The following SLC1A3 variants were observed in gnomAD, a reference collection of about 807,000 sequenced individuals.
SLC1A3 encodes solute carrier family 1 member 3, also known as excitatory amino acid transporter 1.
In SLC1A3, 21 loss-of-function variants were observed where a neutral mutation model predicts 48.1. The observed-to-expected ratio is 0.44, with a 90% CI of 0.31 to 0.63. SLC1A3 has a LOEUF of 0.63. SLC1A3 is among the 20% of genes least tolerant of loss of function. The probability of loss-of-function intolerance (pLI) is 0.08; values close to 1 mark genes in which losing one functional copy is unlikely to be tolerated. For synonymous variants in SLC1A3, 239 were observed against 251.4 expected (o/e 0.95, Z 0.47); for missense variants, 546 against 689.0 (o/e 0.79, Z 2.32).
At chr5:36,643,971 C>T (rs1740730313) in intron 3 of SLC1A3, among the ~76,000 whole-genome samples, 1 of 151,524 alleles carries the variant, frequency 6.6e-6, no homozygotes, top group Non-Finnish European at 1.5e-5. Flanking sequence ...TCTGTTAAGC[C>T]ATTGCACTCC....
chr5:36,601,468 C>G (rs1166096072), upstream of SLC1A3, among the ~76,000 whole-genome samples: 2 of 152,210 alleles, frequency 1.3e-5, no homozygotes, highest in Non-Finnish European at 1.5e-5. Context: ...TTACGGATGA[C>G]ATTCAGAACT....
At chr5:36,680,150 C>T (rs548702041) in intron 7 of SLC1A3, among the ~76,000 whole-genome samples, 10 of 152,164 alleles carry the variant, frequency 6.6e-5, no homozygotes, top group South Asian at 2.1e-4. Context: ...CACAGGCTGT[C>T]GTGATGAGGG....
intron 3 of SLC1A3, among the ~76,000 whole-genome samples, chr5:36,649,038 C>T (rs1207552497): frequency 6.6e-6 from 1 of 152,104 alleles, no homozygotes; most frequent in Non-Finnish European, 1.5e-5. Context: ...CTGATTGACT[C>T]ATTGGTAAAA....
chr5:36,655,213 T>A (rs369683376), intron 3 of SLC1A3, among the ~76,000 whole-genome samples: 3 of 152,290 alleles, frequency 2.0e-5, no homozygotes, highest in Admixed American at 6.5e-5. Context: ...TTTAATATTA[T>A]AAACACCAAC....
intron 6 of SLC1A3, 31 bp downstream of exon 6, chr5:36,677,215 A>G (rs1352562750): frequency 1.9e-6 from 3 of 1,583,460 alleles, no homozygotes; most frequent in Non-Finnish European, 1.7e-6. Flanking sequence ...TATATGTTAT[A>G]TACGAGATGG....
intron 5 of SLC1A3, among the ~76,000 whole-genome samples, chr5:36,675,319 T>C (rs1037407725): frequency 6.6e-6 from 1 of 151,942 alleles, no homozygotes; most frequent in Admixed American, 6.6e-5. Context: ...TAACTATAAA[T>C]AATAAGCGCC....
upstream of SLC1A3, among the ~76,000 whole-genome samples, chr5:36,601,912 G>A (rs995423039): frequency 1.3e-5 from 2 of 152,092 alleles, no homozygotes; most frequent in African/African-American, 2.4e-5. Flanking sequence ...TATTGGTGCA[G>A]CAACTCTTTT....
chr5:36,620,318 C>T (rs1739611568), intron 2 of SLC1A3, among the ~76,000 whole-genome samples: 1 of 152,226 alleles, frequency 6.6e-6, no homozygotes, highest in Non-Finnish European at 1.5e-5. Context: ...TCAAAAAAAC[C>T]TACCTTAGGA....
At chr5:36,684,569 C>G (rs1245065950) in intron 9 of SLC1A3, among the ~76,000 whole-genome samples, 1 of 152,142 alleles carries the variant, frequency 6.6e-6, no homozygotes, top group Admixed American at 6.5e-5. Flanking sequence ...CATCCCTTCG[C>G]CCCCTTCCCT....
At position 36,680,551 on chromosome 5, in the gene SLC1A3, C is replaced by G. The variant is rs1343082422; in HGVS notation, c.1251C>G (p.Asn417Lys). Residue 417 changes from asparagine to lysine, a missense_variant, in exon 8 of 10, where the codon AAC (asparagine) becomes AAG (lysine). This residue lies in a region of SLC1A3 where 142 missense variants were observed against 238.0 expected (regional missense o/e 0.60). Transcript: ENST00000265113. ...ALAAIFIAQVNNFELNFGQII... is the reference protein window; with the variant it reads ...ALAAIFIAQVKNFELNFGQII... ...CTGCCATTTTCATTGCTCAAGTTAA[C>G]AACTTTGAACTGAACTTCGGACAAA... 6.2e-7 allele frequency: 1 copy of G among 1,614,168 alleles called. No homozygotes were observed. Among genetic ancestry groups the G allele is most frequent in the Non-Finnish European group, 8.5e-7 (1 of 1,179,990 alleles).
chr5:36,654,190 C>T (rs1220129240), intron 3 of SLC1A3, among the ~76,000 whole-genome samples: 1 of 152,178 alleles, frequency 6.6e-6, no homozygotes, highest in Non-Finnish European at 1.5e-5. Flanking sequence ...TCAAAATCCA[C>T]ATCTGAGGGG....
At chr5:36,605,670 C>A (rs1236343815), upstream of SLC1A3, among the ~76,000 whole-genome samples, 1 of 152,142 alleles carries the variant, frequency 6.6e-6, no homozygotes, top group Non-Finnish European at 1.5e-5. Flanking sequence ...CATTTTCTTC[C>A]TTCTAAAGAA....
In SLC1A3 at chr5:36,686,221, A is replaced by G; in HGVS notation, c.1581A>G (p.Ala527=). The G allele has an allele frequency of 6.2e-7, 1 of 1,614,202 alleles. No homozygotes were observed. Reference sequence around the variant, plus strand: ...TGAAGAAACCATATCAACTGATTGCACAGGACAATGAAACTGAGAAACCCA... The same window carrying G: ...TGAAGAAACCATATCAACTGATTGCGCAGGACAATGAAACTGAGAAACCCA... ...NEMKKPYQLI[A]QDNETEKPID... Residue 527 remains alanine, a synonymous_variant, in exon 10 of 10, where the codon GCA becomes GCG. Coordinates refer to ENST00000265113, the MANE Select transcript of SLC1A3 (RefSeq NM_004172.5).
At chr5:36,642,428 G>A (rs1740652508) in intron 3 of SLC1A3, among the ~76,000 whole-genome samples, 1 of 152,066 alleles carries the variant, frequency 6.6e-6, no homozygotes, top group African/African-American at 2.4e-5. Flanking sequence ...ATCCTTAGAA[G>A]GTAGAAACTT....
intron 2 of SLC1A3, among the ~76,000 whole-genome samples, chr5:36,627,515 T>C (rs1480909983): frequency 1.3e-5 from 2 of 150,618 alleles, no homozygotes; most frequent in Non-Finnish European, 1.5e-5. Flanking sequence ...AAATCCCAGA[T>C]GTAAAATAGC....
At chr5:36,618,516 A>C (rs1739537254) in intron 2 of SLC1A3, among the ~76,000 whole-genome samples, 1 of 152,190 alleles carries the variant, frequency 6.6e-6, no homozygotes, top group Non-Finnish European at 1.5e-5. Context: ...ATTCCCCAGA[A>C]TACTGGTGCT....
At chr5:36,616,052 C>T (rs193059454) in intron 2 of SLC1A3, among the ~76,000 whole-genome samples, 13 of 152,226 alleles carry the variant, frequency 8.5e-5, no homozygotes, top group African/African-American at 3.1e-4. Flanking sequence ...AAAAATTAGC[C>T]AGGCGCGGTG....
chr5:36,665,677 C>T (rs983161839), intron 3 of SLC1A3, among the ~76,000 whole-genome samples: 5 of 152,060 alleles, frequency 3.3e-5, no homozygotes, highest in Admixed American at 1.3e-4. Flanking sequence ...CAGTGAAAAC[C>T]CTATGAGGGA....
At chr5:36,613,883 TG>T in intron 2 of SLC1A3, among the ~76,000 whole-genome samples, 1 of 148,830 alleles carries the variant, frequency 6.7e-6, no homozygotes, top group Non-Finnish European at 1.5e-5. Flanking sequence ...TCTTCTCCCC[TG>T]GGGGAAAAAA....
Sources: allele counts gnomAD v4.1 joint callset (sites outside exome capture counted in the v4.1 genomes callset), GRCh38; gene constraint gnomAD v4.1.1; regional missense constraint gnomAD v4.1.1; transcripts MANE v1.5; gene names NCBI Gene and HGNC (gene_info 2026-07-23, HGNC 2026-07-21).